AGBL4: variants seen among roughly 807,000 people sequenced by gnomAD.
The protein encoded by AGBL4 is AGBL carboxypeptidase 4, also known as cytosolic carboxypeptidase 6.
AGBL4 carries 58 observed loss-of-function variants against 66.4 expected under a neutral mutation model. The observed-to-expected ratio is 0.87, with a 90% CI of 0.71 to 1.09. The LOEUF is 1.09. AGBL4 is among the 50% of genes least tolerant of loss of function. AGBL4 has a pLI of 0.00. For missense variants in AGBL4, 579 were observed against 631.0 expected (o/e 0.92, Z 0.88); for synonymous variants, 234 against 222.9 (o/e 1.05, Z -0.44).
chr1:48,773,913 T>C (rs931238090), intron 6 of AGBL4, among the ~76,000 whole-genome samples: 10 of 152,198 alleles, frequency 6.6e-5, no homozygotes, highest in African/African-American at 1.9e-4. Flanking sequence ...GAGTTTTGTT[T>C]TTCCTTGAAC....
intron 3 of AGBL4, among the ~76,000 whole-genome samples, chr1:49,258,558 G>A (rs546122018): frequency 3.9e-5 from 6 of 152,232 alleles, no homozygotes; most frequent in East Asian, 1.9e-4. Flanking sequence ...GGGTATCAGT[G>A]ATGGAAGATG....
intron 1 of AGBL4, among the ~76,000 whole-genome samples, chr1:49,880,780 G>C (rs1429713548): frequency 6.6e-6 from 1 of 151,972 alleles, no homozygotes; most frequent in African/African-American, 2.4e-5. Flanking sequence ...CTTGCAGTTT[G>C]ATCTCAGACT....
At chr1:49,142,295 C>T (rs1351331615) in intron 4 of AGBL4, among the ~76,000 whole-genome samples, 13 of 152,054 alleles carry the variant, frequency 8.5e-5, no homozygotes, top group Admixed American at 8.5e-4. Context: ...AATATCCCAC[C>T]TGTAAACATT....
At chr1:48,703,231 G>A (rs925028380) in intron 6 of AGBL4, among the ~76,000 whole-genome samples, 6 of 152,212 alleles carry the variant, frequency 3.9e-5, no homozygotes, top group Admixed American at 3.9e-4. Flanking sequence ...GAAGGAAGGA[G>A]GATAAGATAA....
intron 2 of AGBL4, among the ~76,000 whole-genome samples, chr1:49,701,546 A>G (rs1014926820): frequency 1.3e-5 from 2 of 152,100 alleles, no homozygotes; most frequent in Non-Finnish European, 2.9e-5. Flanking sequence ...CCTCAAAAAA[A>G]GTGATTTAAA....
chr1:49,393,532 A>G (rs1557898236), intron 3 of AGBL4, among the ~76,000 whole-genome samples: 1 of 152,178 alleles, frequency 6.6e-6, no homozygotes, highest in Non-Finnish European at 1.5e-5. Flanking sequence ...CAGAGCTCAC[A>G]CTTTATCAGA....
chr1:50,013,915 T>C lies in AGBL4; in HGVS notation c.34+9848A>G, dbSNP rs1370803437. 2.0e-5 allele frequency among the ~76,000 whole-genome samples: 3 copies of C among 152,198 alleles called. No individual in the cohort carries two copies. In the East Asian group the frequency reaches 5.8e-4, roughly 29 times the overall value. On this transcript the variant is annotated intron_variant, in intron 1 of 13. Transcript: ENST00000371839. The stretch of plus-strand genomic sequence containing the variant: ...CACTACATACACCTCACAACCCTAT[T>C]TGATAAAGGACTAGTATCTCCATTT...
intron 3 of AGBL4, among the ~76,000 whole-genome samples, chr1:49,333,185 T>A (rs866141339): frequency 3.3e-5 from 5 of 152,150 alleles, no homozygotes; most frequent in Middle Eastern, 3.4e-3. Context: ...ATAATAATAA[T>A]AATAATAATA....
At chr1:49,551,180 T>C (rs1326618574) in intron 3 of AGBL4, among the ~76,000 whole-genome samples, 2 of 152,216 alleles carry the variant, frequency 1.3e-5, no homozygotes, top group Admixed American at 1.3e-4. Context: ...TTTTCTTGAA[T>C]ATTTCTCCCT....
chr1:49,132,843 G>T (rs974177129), intron 4 of AGBL4, among the ~76,000 whole-genome samples: 1 of 152,130 alleles, frequency 6.6e-6, no homozygotes, highest in African/African-American at 2.4e-5. Flanking sequence ...ATTCCTCAAA[G>T]ATCTAGAACC....
intron 1 of AGBL4, among the ~76,000 whole-genome samples, chr1:49,946,811 A>G: frequency 6.6e-6 from 1 of 152,022 alleles, no homozygotes; most frequent in Non-Finnish European, 1.5e-5. Flanking sequence ...ACCATTACCA[A>G]GAATAACCAA....
chr1:49,385,121 G>C (rs1248679882), intron 3 of AGBL4, among the ~76,000 whole-genome samples: 1 of 152,082 alleles, frequency 6.6e-6, no homozygotes, highest in African/African-American at 2.4e-5. Context: ...TCTAGAAATA[G>C]AAAATATATT....
At chr1:49,691,354 C>T (rs954991003) in intron 3 of AGBL4, 52 of 152,844 alleles carry the variant, frequency 3.4e-4, no homozygotes, top group Non-Finnish European at 2.3e-4. Flanking sequence ...TAGCACTTGT[C>T]CACCATGATG....
intron 3 of AGBL4, among the ~76,000 whole-genome samples, chr1:49,497,543 TTTTGAG>T (rs1296965578): frequency 6.6e-6 from 1 of 152,048 alleles, no homozygotes; most frequent in Middle Eastern, 3.2e-3. Flanking sequence ...TTCTAATTCA[TTTTGAG>T]TTTATTTTTG....
At chr1:49,064,854 C>A (rs1339308442) in intron 4 of AGBL4, among the ~76,000 whole-genome samples, 3 of 152,068 alleles carry the variant, frequency 2.0e-5, no homozygotes, top group Non-Finnish European at 4.4e-5. Context: ...AAACGCATAG[C>A]AAAACAAGAT....
Position 49,105,542 on chromosome 1 carries a change from C to A in AGBL4, c.378-59742G>T, listed in dbSNP as rs560857538. Among the ~76,000 whole-genome samples, 169 of 152,266 alleles carry A rather than the reference C, an allele frequency of 1.1e-3. 1 individual carries two copies. Among genetic ancestry groups the A allele is most frequent in the African/African-American group, 4.0e-3 (166 of 41,534 alleles). On this transcript the variant is annotated intron_variant, in intron 4 of 13. Coordinates refer to ENST00000371839, the MANE Select transcript of AGBL4 (RefSeq NM_032785.4). ...CCTGGTCCCAATACCATCCACTTTG[C>A]ATTATTCTTCAGGAAAAAATATGGG...
At chr1:49,394,900 C>T (rs1483641780) in intron 3 of AGBL4, among the ~76,000 whole-genome samples, 2 of 152,174 alleles carry the variant, frequency 1.3e-5, no homozygotes, top group Non-Finnish European at 2.9e-5. Context: ...ATTCTGGTCT[C>T]TCTGCCTAAT....
intron 3 of AGBL4, among the ~76,000 whole-genome samples, chr1:49,434,452 T>C (rs1645855703): frequency 2.0e-5 from 3 of 152,130 alleles, no homozygotes; most frequent in Admixed American, 2.0e-4. Flanking sequence ...ATGGGCCTTT[T>C]GGTTAGGCAA....
chr1:48,802,543 A>G lies in AGBL4; in HGVS notation c.634+64648T>C, dbSNP rs189629138. On this transcript the variant is annotated intron_variant, in intron 6 of 13. Coordinates refer to ENST00000371839, the MANE Select transcript of AGBL4 (RefSeq NM_032785.4). ...GCTCTTGGTGAACTCTGATGTAAAAAGAGAGCAATTCTATGATTAACTTTC... is the reference window on the plus strand; with the variant it reads ...GCTCTTGGTGAACTCTGATGTAAAAGGAGAGCAATTCTATGATTAACTTTC... Among the ~76,000 whole-genome samples, 24 of 152,330 alleles carry G rather than the reference A, an allele frequency of 1.6e-4. 1 individual carries two copies. In the East Asian group the frequency reaches 3.3e-3, roughly 21 times the overall value.
Sources: gnomAD v4.1 joint callset for allele counts (sites outside exome capture counted in the v4.1 genomes callset) on GRCh38, gnomAD v4.1.1 for gene constraint, MANE v1.5 for transcripts, NCBI Gene and HGNC (gene_info 2026-07-23, HGNC 2026-07-21) for gene names.